The following VIT variants were observed in gnomAD, a reference collection of about 807,000 sequenced individuals.
VIT encodes vitrin.
Under a neutral mutation model 78.0 loss-of-function variants are expected in VIT, and 99 were observed. That is an observed-to-expected ratio of 1.27 (90% CI 1.08 to 1.50). VIT has a LOEUF of 1.50. Among genes scored for constraint, VIT ranks in the 40% most tolerant of loss-of-function variants. The pLI is 0.00. For missense variants in VIT, 1,126 were observed against 875.3 expected, an observed-to-expected ratio of 1.29 and a Z score of -3.61; for synonymous variants, 374 against 334.3, an observed-to-expected ratio of 1.12 and a Z score of -1.29.
At chr2:36,777,687 A>G (rs1034481911) in intron 9 of VIT, among the ~76,000 whole-genome samples, 2 of 152,108 alleles carry the variant, frequency 1.3e-5, no homozygotes, top group African/African-American at 4.8e-5. Flanking sequence ...TCTAGACACA[A>G]TCGAGTTTTT....
Position 36,754,942 on chromosome 2 carries a change from AG to A in VIT, c.300del (p.Ile102TyrfsTer35). 1 of 1,613,950 alleles carries A rather than the reference AG, an allele frequency of 6.2e-7. No individual in the cohort carries two copies. Among genetic ancestry groups the A allele is most frequent in the Non-Finnish European group, 8.5e-7 (1 of 1,179,936 alleles). On this transcript the variant is annotated frameshift_variant, in exon 5 of 16. Transcript: ENST00000379242. LOFTEE classifies it high-confidence loss of function. ...ATAGTGGTGTGCTTGATAATTCAGG[AG>A]GGAAAATACTTGTTCGGAAGGTTGC... ...VHSGVLDNSGGKILVRKVAGQ... is the reference protein window; with the variant it reads ...VHSGVLDNSGXKILVRKVAGQ...
chr2:36,759,596 A>G lies in VIT; in HGVS notation c.487+550A>G, dbSNP rs568940341. 40 of 1,051,544 alleles carry G rather than the reference A, an allele frequency of 3.8e-5. No homozygotes were observed. In the Admixed American group the frequency reaches 2.0e-3, roughly 52 times the overall value. The allele number at this position is 1,051,544 out of a possible 1,614,324, so 65.1% of individuals were successfully genotyped here. On this transcript the variant is annotated intron_variant, in intron 6 of 15. Transcript: ENST00000379242. ...ACCTTTTTCCAGGTTTCTGTGTTAA[A>G]TCAAGAACTGTACTATGCATTATTG... is the stretch of plus-strand genomic sequence containing the variant.
intron 6 of VIT, among the ~76,000 whole-genome samples, chr2:36,762,575 G>A (rs1669190904): frequency 1.3e-5 from 2 of 152,046 alleles, no homozygotes; most frequent in Admixed American, 6.5e-5. Flanking sequence ...AAGTTTTCAC[G>A]AATTCAAATA....
At chr2:36,729,604 A>G (rs1294476846) in intron 3 of VIT, 113 bp downstream of exon 3, 9 of 1,023,932 alleles carry the variant, frequency 8.8e-6, no homozygotes, top group African/African-American at 3.2e-5. Context: ...CTCTATGTCA[A>G]TTAATTTCCA....
At chr2:36,734,771 C>A (rs902376615) in intron 3 of VIT, among the ~76,000 whole-genome samples, 1 of 152,060 alleles carries the variant, frequency 6.6e-6, no homozygotes, top group African/African-American at 2.4e-5. Flanking sequence ...TCCTTCTTTG[C>A]ATTTCTTTGG....
chr2:36,711,635 G>A (rs918866601), intron 1 of VIT, among the ~76,000 whole-genome samples: 27 of 152,146 alleles, frequency 1.8e-4, no homozygotes, highest in East Asian at 1.9e-4. Context: ...AACGTGTATC[G>A]TTGTGCCCAC....
chr2:36,774,978 G>T (rs778554502), intron 8 of VIT, 24 bp from the exon 9 acceptor site: 2 of 1,612,906 alleles, frequency 1.2e-6, no homozygotes, highest in African/African-American at 1.3e-5. Context: ...GTGTAAATCG[G>T]CTGACCCTGT....
At chr2:36,804,682 T>C (rs181019345) in intron 13 of VIT, among the ~76,000 whole-genome samples, 1 of 151,940 alleles carries the variant, frequency 6.6e-6, no homozygotes, top group South Asian at 2.1e-4. Context: ...ATACAAAAAT[T>C]AGCTGGGTGT....
intron 1 of VIT, among the ~76,000 whole-genome samples, chr2:36,698,379 A>G (rs1664801399): frequency 1.3e-5 from 2 of 152,324 alleles, no homozygotes; most frequent in South Asian, 2.1e-4. Context: ...AGGTTTGAGA[A>G]TGGTTCTCAG....
chr2:36,765,383 G>C (rs1277853197), intron 6 of VIT, among the ~76,000 whole-genome samples: 2 of 150,750 alleles, frequency 1.3e-5, no homozygotes, highest in Non-Finnish European at 2.9e-5. Flanking sequence ...ATGGCAGAAG[G>C]GGAAGCAGGC....
intron 6 of VIT, among the ~76,000 whole-genome samples, chr2:36,765,980 C>T (rs1361566526): frequency 6.6e-6 from 1 of 152,240 alleles, no homozygotes. Flanking sequence ...GCACAAGCAA[C>T]AGTGGGTTGT....
rs1669838671 is a variant in VIT, at chr2:36,772,769, C to T, written c.680-1022C>T. 2.0e-5 allele frequency among the ~76,000 whole-genome samples: 3 copies of T among 152,182 alleles called. No homozygotes were observed. The South Asian group carries it at 6.2e-4, about 31-fold the overall frequency. On this transcript the variant is annotated intron_variant, in intron 7 of 15. Coordinates refer to ENST00000379242, the MANE Select transcript of VIT (RefSeq NM_053276.4). ...TTGAAATTGTGTCAAATAATTGGAA[C>T]ATAGACAAAAAGAGTCAAAAGCTGA...
At chr2:36,743,640 C>T (rs1667968884) in intron 4 of VIT, among the ~76,000 whole-genome samples, 1 of 151,940 alleles carries the variant, frequency 6.6e-6, no homozygotes, top group South Asian at 2.1e-4. Context: ...CTTTGTTATC[C>T]CGATTGAGAG....
chr2:36,717,579 G>A (rs1461803695), intron 2 of VIT, among the ~76,000 whole-genome samples: 11 of 152,064 alleles, frequency 7.2e-5, no homozygotes, highest in Admixed American at 2.0e-4. Flanking sequence ...ACCAGAGTAC[G>A]CAATCATGGA....
chr2:36,719,809 C>T (rs375812202), intron 2 of VIT, among the ~76,000 whole-genome samples: 3 of 152,006 alleles, frequency 2.0e-5, no homozygotes, highest in African/African-American at 7.3e-5. Flanking sequence ...GGTGTGGTGG[C>T]ATGTGACTGT....
intron 14 of VIT, among the ~76,000 whole-genome samples, chr2:36,805,963 C>T (rs1666693579): frequency 6.6e-6 from 1 of 152,158 alleles, no homozygotes; most frequent in Non-Finnish European, 1.5e-5. Context: ...AGCCTTTACA[C>T]ATGCATGCAA....
chr2:36,780,333 A>C (rs189527825), intron 9 of VIT, among the ~76,000 whole-genome samples: 19 of 152,350 alleles, frequency 1.2e-4, no homozygotes, highest in African/African-American at 3.1e-4. Flanking sequence ...AAGGAAAAAG[A>C]AAGCAAGCAA....
chr2:36,711,813 G>C (rs1410648719), intron 1 of VIT, among the ~76,000 whole-genome samples: 1 of 152,220 alleles, frequency 6.6e-6, no homozygotes, highest in African/African-American at 2.4e-5. Context: ...GGCAGAAAGA[G>C]AGATCTAATG....
rs561396907 is a variant in VIT, at chr2:36,777,530, A to G, written c.802+2463A>G. Among the ~76,000 whole-genome samples, 7 of 152,192 alleles carry G rather than the reference A, an allele frequency of 4.6e-5. No individual in the cohort carries two copies. In the South Asian group the frequency reaches 6.2e-4, roughly 14 times the overall value. ...CAGGCAATTGCCTCTCTAGTCCTCAATACTCTGCTCCCACTAAAACACCCC... is the reference window on the plus strand; with the variant it reads ...CAGGCAATTGCCTCTCTAGTCCTCAGTACTCTGCTCCCACTAAAACACCCC... On this transcript the variant is annotated intron_variant, in intron 9 of 15. Transcript: ENST00000379242.
Sources: allele counts gnomAD v4.1 joint callset (sites outside exome capture counted in the v4.1 genomes callset), GRCh38; gene constraint gnomAD v4.1.1; transcripts MANE v1.5; gene names NCBI Gene and HGNC (gene_info 2026-07-23, HGNC 2026-07-21).